NAT16: variants seen among roughly 807,000 people sequenced by gnomAD.
The protein encoded by NAT16 is N-acetyltransferase 16 (putative).
Under a neutral mutation model 15.9 loss-of-function variants are expected in NAT16, and 16 were observed. That is an observed-to-expected ratio of 1.01 (90% CI 0.68 to 1.53). NAT16 has a LOEUF of 1.53. Ranked by LOEUF, NAT16 falls within the 40% of genes most tolerant of loss-of-function variation. The pLI is 0.00. For missense variants in NAT16, 572 were observed against 508.4 expected, an observed-to-expected ratio of 1.13 and a Z score of -1.20; for synonymous variants, 260 against 241.9, an observed-to-expected ratio of 1.07 and a Z score of -0.69.
chr7:101,174,372 C>T lies in NAT16; in HGVS notation c.312+124G>A. 3.8e-6 allele frequency: 5 copies of T among 1,309,636 alleles called. No homozygotes were observed. The South Asian group carries it at 6.1e-5, about 16-fold the overall frequency. 81.1% of individuals were successfully genotyped at this position (1,309,636 alleles called of 1,614,324 possible). A position where few individuals can be genotyped will look rare whatever the true frequency, so the allele number is the denominator to read the frequency against. ...CACGCCCTGCACTTTGGTCCCAAAGCAGGCTCTATTTCCGCAGCCTCCAGA... is the reference window on the plus strand; with the variant it reads ...CACGCCCTGCACTTTGGTCCCAAAGTAGGCTCTATTTCCGCAGCCTCCAGA... On this transcript the variant is annotated intron_variant, in intron 2 of 3. Coordinates refer to ENST00000300303, the MANE Select transcript of NAT16 (RefSeq NM_198571.3).
intron 1 of NAT16, among the ~76,000 whole-genome samples, chr7:101,179,768 G>A (rs1797551652): frequency 6.6e-6 from 1 of 151,770 alleles, no homozygotes. Flanking sequence ...AGATTGCAAA[G>A]GGAGCGATCT....
chr7:101,173,498 A>AG lies in NAT16; in HGVS notation c.334_335insC (p.Val112AlafsTer141), dbSNP rs1797391715. On this transcript the variant is annotated frameshift_variant, in exon 3 of 4. Transcript: ENST00000300303. LOFTEE classifies it high-confidence loss of function. ...CAGCACCGTCTCCCCGGCGTCGATC[A>AG]CGTTCACCGACTCCAGCGCGATCTG... is the stretch of plus-strand genomic sequence containing the variant. The AG allele has an allele frequency of 6.9e-6, 11 of 1,602,818 alleles. No homozygotes were observed. Among genetic ancestry groups the AG allele is most frequent in the Non-Finnish European group, 9.4e-6 (11 of 1,173,644 alleles).
Position 101,172,062 on chromosome 7 carries a change from C to G in NAT16, c.*17G>C, listed in dbSNP as rs755285053. 51 of 1,569,810 alleles carry G rather than the reference C, an allele frequency of 3.2e-5. No homozygotes were observed. The highest frequency in any genetic ancestry group is 4.1e-5 in the Non-Finnish European group (47 of 1,149,956). ...AGGGGGCGGGTCTTTTTCCCCCTCC[C>G]CGCCAGAGGAGAGGCCTCAGATGTC... is the stretch of plus-strand genomic sequence containing the variant. On this transcript the variant is annotated 3_prime_UTR_variant, in exon 4 of 4. Transcript: ENST00000300303. This position sits in a 1 kb window ranked among gnomAD's most constrained non-coding sequence, Gnocchi z 4.2.
intron 1 of NAT16, among the ~76,000 whole-genome samples, chr7:101,175,987 A>G (rs1448645526): frequency 2.0e-5 from 3 of 151,408 alleles, no homozygotes; most frequent in Non-Finnish European, 4.4e-5. Flanking sequence ...CTCTGCAAGG[A>G]CAACATGAGA....
chr7:101,172,409 C>A lies in NAT16; in HGVS notation c.780G>T (p.Ala260=). ...CCACGCGCCACTCCAGGCCCTTGGC[C>A]GCCAGCAGGCGCAGGTTGCTTTCGC... is the stretch of plus-strand genomic sequence containing the variant. ...RPSESNLRLL[A]AKGLEWRVDS... is the part of the protein sequence containing the mutation. Residue 260 remains alanine, a synonymous_variant, in exon 4 of 4, where the codon GCG becomes GCT. Coordinates refer to ENST00000300303, the MANE Select transcript of NAT16 (RefSeq NM_198571.3). This position sits in a 1 kb window ranked among gnomAD's most constrained non-coding sequence, Gnocchi z 4.2. The A allele has an allele frequency of 1.3e-6, 2 of 1,577,966 alleles. No individual in the cohort carries two copies. The highest frequency in any genetic ancestry group is 1.1e-5 in the South Asian group (1 of 87,764).
At chr7:101,174,190 T>C (rs1797410387) in intron 2 of NAT16, 1 of 445,440 alleles carries the variant, frequency 2.2e-6, no homozygotes, top group Admixed American at 4.0e-5. Flanking sequence ...ACCCCTAGCC[T>C]ACCCTCTCTC....
At chr7:101,178,984 T>A (rs1277865685) in intron 1 of NAT16, 1 of 151,130 alleles carries the variant, frequency 6.6e-6, no homozygotes, top group Non-Finnish European at 1.5e-5. Flanking sequence ...TAAATATGAA[T>A]GATCTCTTTG....
At chr7:101,175,467 C>T (rs1797443727) in intron 1 of NAT16, among the ~76,000 whole-genome samples, 1 of 151,844 alleles carries the variant, frequency 6.6e-6, no homozygotes, top group Admixed American at 6.6e-5. Context: ...CAGCTCCCTC[C>T]CTCTTCCCAC....
At chr7:101,177,207 C>A (rs1403025868) in intron 1 of NAT16, among the ~76,000 whole-genome samples, 1 of 152,188 alleles carries the variant, frequency 6.6e-6, no homozygotes, top group Middle Eastern at 3.2e-3. Context: ...TCAACCCATT[C>A]ATTTCATAAT....
chr7:101,172,144 C>A lies in NAT16; in HGVS notation c.1045G>T (p.Val349Phe). 1 of 1,614,092 alleles carries A rather than the reference C, an allele frequency of 6.2e-7. No individual in the cohort carries two copies. Among genetic ancestry groups the A allele is most frequent in the Non-Finnish European group, 8.5e-7 (1 of 1,179,968 alleles). Residue 349 changes from valine to phenylalanine, a missense_variant, in exon 4 of 4, where the codon GTC (valine) becomes TTC (phenylalanine). Physicochemically the swap from Val to Phe is conservative, Grantham distance 50. Transcript: ENST00000300303. The surrounding 1 kb of genome is among the most constrained non-coding windows in gnomAD (Gnocchi z 4.2). ...LWSQLADFCQ[V>F]GLGLELVKGY... ...TTCACCAGCTCCAGTCCCAGCCCGA[C>A]CTGGCAGAAGTCAGCCAGCTGTGAC...
chr7:101,179,463 C>A (rs1278558838), intron 1 of NAT16, among the ~76,000 whole-genome samples: 1 of 147,614 alleles, frequency 6.8e-6, no homozygotes, highest in Non-Finnish European at 1.5e-5. Context: ...GTATGGGGGG[C>A]GGGGATCCGT....
At chr7:101,178,090 C>T (rs1450214735) in intron 1 of NAT16, among the ~76,000 whole-genome samples, 2 of 152,232 alleles carry the variant, frequency 1.3e-5, no homozygotes, top group Admixed American at 6.5e-5. Flanking sequence ...TCATTCAAGA[C>T]ATTTGGCTCC....
intron 2 of NAT16, chr7:101,173,820 C>A (rs967586039): frequency 7.0e-6 from 3 of 426,636 alleles, no homozygotes; most frequent in Non-Finnish European, 1.2e-5. Flanking sequence ...AACTCCTGGG[C>A]TCAAGCGATC....
chr7:101,171,990 G>A lies in NAT16; in HGVS notation c.*89C>T, dbSNP rs753720123. 3.3e-6 allele frequency: 3 copies of A among 912,110 alleles called. No homozygotes were observed. The highest frequency in any genetic ancestry group is 2.6e-5 in the East Asian group (1 of 37,846). The allele number at this position is 912,110 out of a possible 1,614,324, so 56.5% of individuals were successfully genotyped here. On this transcript the variant is annotated 3_prime_UTR_variant, in exon 4 of 4. Transcript: ENST00000300303. ...AGTCAGAGGGGACTTCCCAGGAGAC[G>A]CAGCGTCGGAAATGGCAGGAAAGAG... is the stretch of plus-strand genomic sequence containing the variant.
chr7:101,176,276 C>T (rs1490707123), intron 1 of NAT16, among the ~76,000 whole-genome samples: 1 of 152,162 alleles, frequency 6.6e-6, no homozygotes, highest in African/African-American at 2.4e-5. Context: ...GGGTAGATCA[C>T]CTGAGGTCAG....
At chr7:101,176,737 C>T (rs1480360715) in intron 1 of NAT16, among the ~76,000 whole-genome samples, 6 of 152,038 alleles carry the variant, frequency 3.9e-5, no homozygotes. Context: ...CCTGTCTCTT[C>T]CAGATCAGCC....
chr7:101,172,607 C>A lies in NAT16; in HGVS notation c.582G>T (p.Gly194=), dbSNP rs747526223. The part of the protein sequence containing the change: ...VRFNASALLA[G]LGARLAALRT... ...GCAGCGCCGCCAGCCGCGCGCCCAGCCCGGCCAGCAGCGCGGACGCGTTGA... is the reference window on the plus strand; with the variant it reads ...GCAGCGCCGCCAGCCGCGCGCCCAGACCGGCCAGCAGCGCGGACGCGTTGA... The change falls in exon 4 of 4, where the codon GGG becomes GGT. Residue 194 remains glycine, a synonymous_variant. Coordinates refer to ENST00000300303, the MANE Select transcript of NAT16 (RefSeq NM_198571.3). This position sits in a 1 kb window ranked among gnomAD's most constrained non-coding sequence, Gnocchi z 4.2. 1.3e-6 allele frequency: 2 copies of A among 1,527,622 alleles called. No homozygotes were observed. The highest frequency in any genetic ancestry group is 8.7e-7 in the Non-Finnish European group (1 of 1,145,674). The allele number at this position is 1,527,622 out of a possible 1,614,324, so 94.6% of individuals were successfully genotyped here.
chr7:101,177,055 C>G (rs1371046678), intron 1 of NAT16, among the ~76,000 whole-genome samples: 1 of 152,202 alleles, frequency 6.6e-6, no homozygotes, highest in Non-Finnish European at 1.5e-5. Flanking sequence ...AGAGTTCTAT[C>G]TCCCTCTTTG....
chr7:101,170,548 GGGT>G lies in NAT16; in HGVS notation c.*1528_*1530del, dbSNP rs1044992960. 1 of 152,470 alleles carries G rather than the reference GGGT, an allele frequency of 6.6e-6. No individual in the cohort carries two copies. Among genetic ancestry groups the G allele is most frequent in the African/African-American group, 2.4e-5 (1 of 41,446 alleles). 9.4% of individuals were successfully genotyped at this position (152,470 alleles called of 1,614,324 possible). A position where few individuals can be genotyped will look rare whatever the true frequency, so the allele number is the denominator to read the frequency against. ...ACAATCGTGGTCACCGTGACAAGGA[GGGT>G]GGCAGCGTGGCCAGGCACAGGATGC... On this transcript the variant is annotated 3_prime_UTR_variant, in exon 4 of 4. Coordinates refer to ENST00000300303, the MANE Select transcript of NAT16 (RefSeq NM_198571.3).
Sources: allele counts gnomAD v4.1 joint callset (sites outside exome capture counted in the v4.1 genomes callset), GRCh38; gene constraint gnomAD v4.1.1; non-coding constraint Gnocchi (gnomAD v3.1); transcripts MANE v1.5; gene names NCBI Gene and HGNC (gene_info 2026-07-23, HGNC 2026-07-21).